The following TTC7A variants were observed in gnomAD, a reference collection of about 807,000 sequenced individuals.
The protein encoded by TTC7A is tetratricopeptide repeat domain 7A.
In TTC7A, 110 loss-of-function variants were observed where a neutral mutation model predicts 103.7. That is an observed-to-expected ratio of 1.06 (90% CI 0.91 to 1.24). The LOEUF (loss-of-function observed/expected upper bound fraction) is 1.24, where lower values mean the gene tolerates loss of function less well. Ranked by LOEUF, TTC7A falls within the 50% of genes most tolerant of loss-of-function variation. The pLI, the probability that TTC7A is intolerant of heterozygous loss-of-function variation, is 0.00. For synonymous variants in TTC7A, 521 were observed against 467.9 expected (o/e 1.11, Z -1.47); for missense variants, 1,340 against 1,116.3 (o/e 1.20, Z -2.86).
At chr2:47,071,959 G>T (rs1482833653) in intron 19 of TTC7A, among the ~76,000 whole-genome samples, 1 of 152,216 alleles carries the variant, frequency 6.6e-6, no homozygotes, top group Non-Finnish European at 1.5e-5. Flanking sequence ...TGTCCTGTGT[G>T]GCTCCCTCCT....
chr2:47,060,417 T>C (rs1683673559), intron 18 of TTC7A, among the ~76,000 whole-genome samples: 1 of 152,090 alleles, frequency 6.6e-6, no homozygotes, highest in South Asian at 2.1e-4. Flanking sequence ...CAGTGAGCCA[T>C]GGTCATACCA....
At chr2:47,065,963 ATGCT>A (rs964545286) in intron 19 of TTC7A, 5 of 151,826 alleles carry the variant, frequency 3.3e-5, no homozygotes, top group Non-Finnish European at 7.4e-5. Context: ...TCCCCTCCTC[ATGCT>A]TTCTTCTTGG....
At chr2:46,937,785 T>C (rs925040504), upstream of TTC7A, among the ~76,000 whole-genome samples, 3 of 152,188 alleles carry the variant, frequency 2.0e-5, no homozygotes, top group East Asian at 1.9e-4. The surrounding 1 kb of genome is among the most constrained non-coding windows in gnomAD (Gnocchi z 4.0). Context: ...CTGAAGGGGT[T>C]TGGGGAAGCT....
rs2103685224 is a variant in TTC7A at position 47,074,673 on chromosome 2, T to C, written c.*750T>C. ...TGCAGGTCTTAGGCTACAATGCAGG[T>C]CCCTTGAGGGCCACCAACATGGAGG... is the stretch of plus-strand genomic sequence containing the variant. On this transcript the variant is annotated 3_prime_UTR_variant, in exon 20 of 20. Coordinates refer to ENST00000319190, the MANE Select transcript of TTC7A (RefSeq NM_020458.4). 1 of 152,482 alleles carries C rather than the reference T, an allele frequency of 6.6e-6. No individual in the cohort carries two copies. The highest frequency in any genetic ancestry group is 2.1e-4 in the South Asian group (1 of 4,820). 9.4% of individuals were successfully genotyped at this position (152,482 alleles called of 1,614,324 possible). A position where few individuals can be genotyped will look rare whatever the true frequency, so the allele number is the denominator to read the frequency against.
In TTC7A at chr2:46,919,506, C is replaced by T. The variant is rs1668989006; in HGVS notation, c.82+2229C>T. Among the ~76,000 whole-genome samples the T allele has an allele frequency of 2.0e-5, 3 of 152,226 alleles. No homozygotes were observed. In the South Asian group the frequency reaches 6.2e-4, roughly 31 times the overall value. On this transcript the variant is annotated intron_variant, in intron 2 of 20. Coordinates refer to the TTC7A transcript ENST00000409245. ...TGAGATCGCACCATTGCTCTTCAGC[C>T]TGGGCAGCAAGAGCTAAACTCTGTC... is the stretch of plus-strand genomic sequence containing the variant.
intron 15 of TTC7A, among the ~76,000 whole-genome samples, chr2:47,033,226 C>T (rs563489975): frequency 5.9e-5 from 9 of 152,302 alleles, no homozygotes; most frequent in Non-Finnish European, 1.2e-4. Flanking sequence ...ACAACCGGTC[C>T]GGTAAATATC....
At position 47,011,438 on chromosome 2, in the gene TTC7A, G is replaced by A. The variant is rs1299979956; in HGVS notation, c.1392+3G>A. ...TCTGCATCGGGTCCCTTCGCTGGGT[G>A]AGTGAGCTGTGAGGGCAGGTCCCAG... On this transcript the variant is annotated splice_donor_region_variant and intron_variant, in intron 11 of 19. Coordinates refer to ENST00000319190, the MANE Select transcript of TTC7A (RefSeq NM_020458.4). 1.9e-6 allele frequency: 3 copies of A among 1,603,018 alleles called. No homozygotes were observed. In the Admixed American group the frequency reaches 5.0e-5, roughly 27 times the overall value.
At chr2:46,932,655 A>G (rs553016402) in intron 2 of TTC7A, among the ~76,000 whole-genome samples, 1 of 151,402 alleles carries the variant, frequency 6.6e-6, no homozygotes, top group Admixed American at 6.6e-5. Context: ...AATCCCAGCA[A>G]TTTGGGAGGC....
intron 10 of TTC7A, among the ~76,000 whole-genome samples, chr2:47,009,491 G>C (rs1026267020): frequency 3.9e-5 from 6 of 152,110 alleles, no homozygotes; most frequent in Non-Finnish European, 7.4e-5. Context: ...CTGAGCCAAA[G>C]CCCAGGGAAA....
chr2:46,928,646 T>C (rs559766120), intron 2 of TTC7A, among the ~76,000 whole-genome samples: 12 of 151,970 alleles, frequency 7.9e-5, no homozygotes, highest in Non-Finnish European at 1.5e-4. Context: ...GACACACACC[T>C]GTGGTCCCAG....
chr2:47,042,698 G>GTT (rs1681887057), intron 15 of TTC7A, among the ~76,000 whole-genome samples: 2 of 138,568 alleles, frequency 1.4e-5, no homozygotes, highest in African/African-American at 5.3e-5. Flanking sequence ...GTGTGTGTGT[G>GTT]TGTGTATATA....
At position 47,010,521 on chromosome 2, in the gene TTC7A, C is replaced by T. The variant is rs529468648; in HGVS notation, c.1288-810C>T. ...CCGCCCCGCCCAGCCCTCCTTCACACTTGGCCGTCCTCAGCAGGTCCAGTC... is the reference window on the plus strand; with the variant it reads ...CCGCCCCGCCCAGCCCTCCTTCACATTTGGCCGTCCTCAGCAGGTCCAGTC... On this transcript the variant is annotated intron_variant, in intron 10 of 19. Transcript: ENST00000319190. Among the ~76,000 whole-genome samples, 8 of 148,856 alleles carry T rather than the reference C, an allele frequency of 5.4e-5. No homozygotes were observed. In the East Asian group the frequency reaches 1.0e-3, roughly 19 times the overall value.
intron 3 of TTC7A, among the ~76,000 whole-genome samples, chr2:46,970,917 G>A (rs1403563706): frequency 6.6e-6 from 1 of 152,224 alleles, no homozygotes; most frequent in African/African-American, 2.4e-5. Context: ...CTTTCCTCCA[G>A]GCCAAGGCAA....
intron 18 of TTC7A, among the ~76,000 whole-genome samples, chr2:47,053,787 C>A (rs1458801806): frequency 6.6e-6 from 1 of 152,182 alleles, no homozygotes; most frequent in Non-Finnish European, 1.5e-5. Flanking sequence ...GTTGGCCACA[C>A]TGGTTTCGAA....
intron 3 of TTC7A, among the ~76,000 whole-genome samples, chr2:46,957,810 A>G (rs1355909315): frequency 2.0e-5 from 3 of 152,166 alleles, no homozygotes; most frequent in African/African-American, 7.2e-5. Flanking sequence ...GGAATCTTGG[A>G]TGTTTGATCG....
At chr2:47,012,296 C>G (rs1369287592) in intron 11 of TTC7A, among the ~76,000 whole-genome samples, 1 of 152,206 alleles carries the variant, frequency 6.6e-6, no homozygotes, top group Non-Finnish European at 1.5e-5. Flanking sequence ...TGTCAGCCTC[C>G]TATTTCTACC....
intron 3 of TTC7A, among the ~76,000 whole-genome samples, chr2:46,970,854 T>G (rs1264977483): frequency 1.3e-5 from 2 of 152,216 alleles, no homozygotes; most frequent in African/African-American, 4.8e-5. Flanking sequence ...ACACCCAGTG[T>G]CCTGGGCACC....
At chr2:47,059,798 C>T (rs1683620116) in intron 18 of TTC7A, among the ~76,000 whole-genome samples, 1 of 152,200 alleles carries the variant, frequency 6.6e-6, no homozygotes, top group African/African-American at 2.4e-5. Context: ...CTTACTCCCA[C>T]TGTGGCCTTA....
chr2:47,022,947 GGGTA>G (rs1240956127), intron 12 of TTC7A, among the ~76,000 whole-genome samples: 1 of 152,190 alleles, frequency 6.6e-6, no homozygotes, highest in Non-Finnish European at 1.5e-5. Context: ...AAACCTTCCT[GGGTA>G]GTTAGTTAAG....
Sources: gnomAD v4.1 joint callset for allele counts (sites outside exome capture counted in the v4.1 genomes callset) on GRCh38, gnomAD v4.1.1 for gene constraint, Gnocchi (gnomAD v3.1) non-coding constraint, MANE v1.5 for transcripts, NCBI Gene and HGNC (gene_info 2026-07-23, HGNC 2026-07-21) for gene names.